Variants in DDX10 observed in about 807,000 individuals in gnomAD.
DDX10 encodes probable ATP-dependent RNA helicase DDX10.
In DDX10, 74 loss-of-function variants were observed where a neutral mutation model predicts 104.3. The observed-to-expected ratio is 0.71, with a 90% CI of 0.59 to 0.86. The LOEUF (loss-of-function observed/expected upper bound fraction) is 0.86, where lower values mean the gene tolerates loss of function less well. DDX10 is among the 40% of genes least tolerant of loss of function. The pLI is 0.00. For missense variants in DDX10, 952 were observed against 1,040.0 expected, an observed-to-expected ratio of 0.92 and a Z score of 1.16; for synonymous variants, 351 against 353.4, an observed-to-expected ratio of 0.99 and a Z score of 0.08.
chr11:108,723,460 C>A lies in DDX10; in HGVS notation c.1963C>A (p.Gln655Lys), dbSNP rs2094301353. 3.7e-6 allele frequency: 6 copies of A among 1,609,554 alleles called. No homozygotes were observed. The highest frequency in any genetic ancestry group is 5.1e-6 in the Non-Finnish European group (6 of 1,178,074). The stretch of plus-strand genomic sequence containing the variant: ...GGACCTTAAAGACGAGAAAACATTA[C>A]AGGTAAGTTTACTCCCAGTGGAGGG... ...GLDLKDEKTLQKKEPSKSSIK... is the reference protein window; with the variant it reads ...GLDLKDEKTLKKKEPSKSSIK... The change falls in exon 13 of 18, where the codon CAG becomes AAG. Residue 655 changes from glutamine to lysine, a missense_variant and splice_region_variant. This residue lies in a region of DDX10 where 533 missense variants were observed against 534.1 expected (regional missense o/e 1.00). Coordinates refer to ENST00000322536, the MANE Select transcript of DDX10 (RefSeq NM_004398.4).
chr11:108,668,384 T>TC (rs35928967), intron 1 of DDX10, among the ~76,000 whole-genome samples: 18,660 of 152,214 alleles, frequency 0.12, 1,545 homozygotes, highest in East Asian at 0.27. Flanking sequence ...AGCAGCTTTT[T>TC]CCCCCGCTAA....
chr11:108,665,821 A>G (rs2094209410), intron 1 of DDX10, among the ~76,000 whole-genome samples: 1 of 152,176 alleles, frequency 6.6e-6, no homozygotes, highest in African/African-American at 2.4e-5. Flanking sequence ...ATGTCTTTCT[A>G]ATCCCAAAGC....
At chr11:108,766,034 T>C (rs756702616) in intron 13 of DDX10, among the ~76,000 whole-genome samples, 12 of 152,214 alleles carry the variant, frequency 7.9e-5, no homozygotes, top group Non-Finnish European at 1.3e-4. Context: ...TTACTGATAG[T>C]GTTTTACTTT....
intron 13 of DDX10, among the ~76,000 whole-genome samples, chr11:108,813,436 C>A (rs1251696615): frequency 6.6e-6 from 1 of 152,100 alleles, no homozygotes; most frequent in Non-Finnish European, 1.5e-5. Flanking sequence ...AATTTTCTTA[C>A]TCTTTTTATT....
chr11:108,685,837 A>G (rs2094243215), intron 6 of DDX10, among the ~76,000 whole-genome samples: 1 of 152,208 alleles, frequency 6.6e-6, no homozygotes. Flanking sequence ...GGATAATACC[A>G]ATATTATTAC....
chr11:108,865,404 T>G (rs931759949), intron 16 of DDX10, among the ~76,000 whole-genome samples: 1 of 152,208 alleles, frequency 6.6e-6, no homozygotes, highest in Non-Finnish European at 1.5e-5. Flanking sequence ...TTTATATGCT[T>G]TCTAACCTTC....
intron 10 of DDX10, 113 bp downstream of exon 10, chr11:108,706,950 T>C: frequency 2.4e-6 from 2 of 837,976 alleles, no homozygotes; most frequent in South Asian, 3.1e-5. Context: ...CTGCCTGGTT[T>C]GACTTTTATA....
chr11:108,860,899 A>G (rs1182512493), intron 16 of DDX10: 1 of 152,094 alleles, frequency 6.6e-6, no homozygotes, highest in Non-Finnish European at 1.5e-5. Flanking sequence ...ATCTTAAAGG[A>G]GAAAAAAAGC....
At chr11:108,675,278 C>A (rs1482936899) in intron 2 of DDX10, among the ~76,000 whole-genome samples, 1 of 152,136 alleles carries the variant, frequency 6.6e-6, no homozygotes, top group African/African-American at 2.4e-5. Context: ...TTGGATTATA[C>A]CCAGGAGTGG....
chr11:108,868,926 G>A (rs1048179200), intron 16 of DDX10, among the ~76,000 whole-genome samples: 13 of 148,412 alleles, frequency 8.8e-5, no homozygotes, highest in African/African-American at 3.2e-4. Flanking sequence ...AAAACTGAGG[G>A]TTAAAGAGGT....
At chr11:108,817,405 G>A (rs1010504412) in intron 13 of DDX10, among the ~76,000 whole-genome samples, 5 of 152,136 alleles carry the variant, frequency 3.3e-5, no homozygotes, top group African/African-American at 1.2e-4. Flanking sequence ...AACTCTTTAT[G>A]TAGATCATTG....
intron 13 of DDX10, among the ~76,000 whole-genome samples, chr11:108,736,310 G>C (rs1450569532): frequency 6.6e-6 from 1 of 151,840 alleles, no homozygotes; most frequent in African/African-American, 2.4e-5. Context: ...GTGTGTTTTT[G>C]CATGTGTGAG....
intron 13 of DDX10, among the ~76,000 whole-genome samples, chr11:108,787,747 A>G (rs1213119920): frequency 6.6e-6 from 1 of 152,064 alleles, no homozygotes; most frequent in Non-Finnish European, 1.5e-5. Flanking sequence ...TAGCTTCACC[A>G]TGGAGAAACC....
chr11:108,911,098 C>T (rs956935370), intron 16 of DDX10, among the ~76,000 whole-genome samples: 3 of 152,040 alleles, frequency 2.0e-5, no homozygotes, highest in African/African-American at 7.2e-5. Flanking sequence ...CAGAACCTGG[C>T]TTTCATTTTA....
At chr11:108,872,820 T>TTC (rs1565305030) in intron 16 of DDX10, among the ~76,000 whole-genome samples, 20 of 145,100 alleles carry the variant, frequency 1.4e-4, no homozygotes, top group South Asian at 4.7e-4. Flanking sequence ...TAATTTCCGT[T>TTC]CCCCCCCCCT....
At chr11:108,744,760 G>A (rs2094329303) in intron 13 of DDX10, among the ~76,000 whole-genome samples, 1 of 152,308 alleles carries the variant, frequency 6.6e-6, no homozygotes, top group East Asian at 1.9e-4. Context: ...CAAGATAGCA[G>A]TGTAAGAAAG....
At chr11:108,827,994 A>C (rs1463609436) in intron 13 of DDX10, among the ~76,000 whole-genome samples, 1 of 152,198 alleles carries the variant, frequency 6.6e-6, no homozygotes, top group Non-Finnish European at 1.5e-5. Flanking sequence ...GTGCATTCAC[A>C]TTGATGTACA....
rs368450509 is a variant in DDX10, at chr11:108,933,689, T to G, written c.2451-6557T>G. ...CACTGTGGCTTTGATCTCTTCAATT[T>G]CTTTGGAATTAATGATACAGTGTTT... On this transcript the variant is annotated intron_variant, in intron 17 of 17. Transcript: ENST00000322536. Among the ~76,000 whole-genome samples, 25 of 152,356 alleles carry G rather than the reference T, an allele frequency of 1.6e-4. 1 individual carries two copies. In the East Asian group the frequency reaches 4.8e-3, roughly 29 times the overall value.
intron 13 of DDX10, among the ~76,000 whole-genome samples, chr11:108,774,501 G>A (rs1448807541): frequency 4.6e-5 from 7 of 152,066 alleles, no homozygotes; most frequent in Admixed American, 3.9e-4. Context: ...TTTTTAGCTG[G>A]AAATATCTGC....
Sources: allele counts gnomAD v4.1 joint callset (sites outside exome capture counted in the v4.1 genomes callset), GRCh38; gene constraint gnomAD v4.1.1; regional missense constraint gnomAD v4.1.1; transcripts MANE v1.5; gene names NCBI Gene and HGNC (gene_info 2026-07-23, HGNC 2026-07-21).